Variants in SSBP3 observed in about 807,000 individuals in gnomAD.
SSBP3 encodes the protein single-stranded DNA-binding protein 3.
SSBP3 carries 5 observed loss-of-function variants against 69.6 expected under a neutral mutation model. The observed-to-expected ratio is 0.07, with a 90% CI of 0.04 to 0.15. The LOEUF is 0.15. Ranked by LOEUF, SSBP3 falls within the 10% of genes least tolerant of loss-of-function variation. SSBP3 has a pLI of 1.00. For synonymous variants in SSBP3, 196 were observed against 193.4 expected, an observed-to-expected ratio of 1.01 and a Z score of -0.11; for missense variants, 312 against 534.0, an observed-to-expected ratio of 0.58 and a Z score of 4.10.
upstream of SSBP3, among the ~76,000 whole-genome samples, chr1:54,408,715 G>A (rs1260263055): frequency 6.6e-6 from 1 of 152,196 alleles, no homozygotes; most frequent in Non-Finnish European, 1.5e-5. Context: ...GTGCTACAAT[G>A]TTAAAATTTC....
intron 4 of SSBP3, among the ~76,000 whole-genome samples, chr1:54,317,727 GAAGA>G (rs1646138867): frequency 6.6e-6 from 1 of 152,122 alleles, no homozygotes; most frequent in African/African-American, 2.4e-5. Flanking sequence ...CTCAAGGAGG[GAAGA>G]CAGTGAGGTC....
At chr1:54,379,167 G>A (rs1360069450) in intron 4 of SSBP3, among the ~76,000 whole-genome samples, 1 of 152,272 alleles carries the variant, frequency 6.6e-6, no homozygotes, top group Admixed American at 6.5e-5. Flanking sequence ...GTGTCAGCCA[G>A]TAACAGACAT....
At chr1:54,401,798 A>G in intron 4 of SSBP3, 63 bp downstream of exon 4, 1 of 1,418,450 alleles carries the variant, frequency 7.0e-7, no homozygotes, top group Non-Finnish European at 9.9e-7. Context: ...TGCTTTTCGT[A>G]CTAGAGAAGT....
At chr1:54,352,885 C>G (rs1030448364) in intron 4 of SSBP3, among the ~76,000 whole-genome samples, 5 of 152,218 alleles carry the variant, frequency 3.3e-5, no homozygotes, top group African/African-American at 1.2e-4. Flanking sequence ...CCATGGGGCT[C>G]AAGCCAGATC....
chr1:54,337,605 G>T (rs1384807758), intron 4 of SSBP3, among the ~76,000 whole-genome samples: 1 of 141,832 alleles, frequency 7.1e-6, no homozygotes, highest in Non-Finnish European at 1.5e-5. Context: ...GGGTTCCAGC[G>T]ATTCCCTTGC....
At chr1:54,231,583 A>G (rs2100565912) in intron 14 of SSBP3, among the ~76,000 whole-genome samples, 1 of 152,330 alleles carries the variant, frequency 6.6e-6, no homozygotes, top group Non-Finnish European at 1.5e-5. Context: ...TGCATCTAAG[A>G]AGGCTTTGCT....
At chr1:54,276,376 T>C (rs1188623613) in intron 5 of SSBP3, among the ~76,000 whole-genome samples, 2 of 151,860 alleles carry the variant, frequency 1.3e-5, no homozygotes, top group African/African-American at 4.8e-5. Context: ...CTGAGGAGGC[T>C]GAGGTGGGCG....
intron 5 of SSBP3, among the ~76,000 whole-genome samples, chr1:54,261,835 CT>C (rs1645021950): frequency 1.3e-5 from 2 of 152,128 alleles, no homozygotes; most frequent in South Asian, 4.1e-4. Context: ...GCTGGGGGTC[CT>C]TACTAGATGC....
At chr1:54,248,706 T>C (rs663436) in intron 9 of SSBP3, among the ~76,000 whole-genome samples, 98,004 of 151,998 alleles carry the variant, frequency 0.64, 32,489 homozygotes, top group African/African-American at 0.8. Context: ...CAACCTTGTC[T>C]GGGCCCAGTG....
intron 14 of SSBP3, chr1:54,237,790 G>A (rs1252089991): frequency 9.1e-6 from 2 of 219,134 alleles, no homozygotes; most frequent in Non-Finnish European, 1.9e-5. Context: ...CACTGAATCT[G>A]CAGCAGACTC....
intron 7 of SSBP3, among the ~76,000 whole-genome samples, chr1:54,254,338 T>C (rs1644882777): frequency 6.6e-6 from 1 of 152,180 alleles, no homozygotes; most frequent in Non-Finnish European, 1.5e-5. Flanking sequence ...AGGTGGGACC[T>C]CTGCCGAGAT....
intron 17 of SSBP3, among the ~76,000 whole-genome samples, chr1:54,228,049 T>C (rs1644316612): frequency 6.6e-6 from 1 of 152,212 alleles, no homozygotes; most frequent in Non-Finnish European, 1.5e-5. Flanking sequence ...TGCATGGAGC[T>C]GCCTCCAGAA....
At chr1:54,235,279 T>TG (rs1479045850) in intron 14 of SSBP3, among the ~76,000 whole-genome samples, 1 of 69,064 alleles carries the variant, frequency 1.4e-5, no homozygotes, top group African/African-American at 5.2e-5. Flanking sequence ...TCCAGTTTTT[T>TG]TTTTTTTTTT....
intron 4 of SSBP3, among the ~76,000 whole-genome samples, chr1:54,331,014 A>T (rs1432913055): frequency 1.3e-5 from 2 of 152,218 alleles, no homozygotes; most frequent in Admixed American, 1.3e-4. Context: ...GTAAAGAAAA[A>T]TACATCAACA....
chr1:54,231,243 T>C (rs1446472619), intron 14 of SSBP3, among the ~76,000 whole-genome samples: 1 of 152,242 alleles, frequency 6.6e-6, no homozygotes, highest in Admixed American at 6.5e-5. Flanking sequence ...CTAGTGGGTG[T>C]GAAGTGCCAT....
chr1:54,301,710 C>T lies in SSBP3; in HGVS notation c.277-20183G>A, dbSNP rs777509870. Among the ~76,000 whole-genome samples, 9 of 152,302 alleles carry T rather than the reference C, an allele frequency of 5.9e-5. 1 individual carries two copies. The South Asian group carries it at 6.2e-4, about 11-fold the overall frequency. On this transcript the variant is annotated intron_variant, in intron 4 of 17. Transcript: ENST00000610401. ...CAGAACTAATCCATTCAGAGCCAAG[C>T]GAGGCTGAGCAGATGGGAAGCCAGG... is the stretch of plus-strand genomic sequence containing the variant.
At chr1:54,271,872 C>A (rs1023268905) in intron 5 of SSBP3, among the ~76,000 whole-genome samples, 3 of 152,238 alleles carry the variant, frequency 2.0e-5, no homozygotes, top group East Asian at 3.9e-4. Context: ...TGGGTTCAAG[C>A]GATTCTCTTG....
At chr1:54,279,727 C>T (rs1240224894) in intron 5 of SSBP3, among the ~76,000 whole-genome samples, 11 of 152,244 alleles carry the variant, frequency 7.2e-5, no homozygotes, top group Non-Finnish European at 1.5e-5. Flanking sequence ...GGGTGCAGGG[C>T]GCCATCTGCA....
intron 4 of SSBP3, among the ~76,000 whole-genome samples, chr1:54,387,622 C>T (rs1648187055): frequency 6.6e-6 from 1 of 152,194 alleles, no homozygotes; most frequent in African/African-American, 2.4e-5. Flanking sequence ...AATAACCTAA[C>T]CAGCATGATA....
Sources: allele counts gnomAD v4.1 joint callset (sites outside exome capture counted in the v4.1 genomes callset), GRCh38; gene constraint gnomAD v4.1.1; transcripts MANE v1.5; gene names NCBI Gene and HGNC (gene_info 2026-07-23, HGNC 2026-07-21).